The following NEMF variants were observed in gnomAD, a reference collection of about 807,000 sequenced individuals.
NEMF encodes the protein ribosome quality control complex subunit NEMF.
A neutral mutation model predicts 162.2 loss-of-function variants in NEMF; 89 were observed. The observed-to-expected ratio is 0.55, with a 90% CI of 0.46 to 0.65. The LOEUF (loss-of-function observed/expected upper bound fraction) is 0.65. Ranked by LOEUF, NEMF falls within the 30% of genes least tolerant of loss-of-function variation. NEMF has a pLI of 0.00. For missense variants in NEMF, 1,133 were observed against 1,261.9 expected (o/e 0.90, Z 1.55); for synonymous variants, 421 against 404.5 (o/e 1.04, Z -0.49).
intron 4 of NEMF, among the ~76,000 whole-genome samples, chr14:49,843,046 CAGGTT>C (rs761279592): frequency 6.6e-6 from 1 of 151,776 alleles, no homozygotes; most frequent in East Asian, 1.9e-4. Flanking sequence ...AGTAAAAACT[CAGGTT>C]AGAGTAGAAA....
intron 18 of NEMF, among the ~76,000 whole-genome samples, chr14:49,811,130 A>G (rs2139893148): frequency 6.6e-6 from 1 of 152,340 alleles, no homozygotes; most frequent in South Asian, 2.1e-4. Context: ...ATTCCTTAAA[A>G]TAATTTTATA....
At chr14:49,844,885 C>A in intron 4 of NEMF, 1 of 350,202 alleles carries the variant, frequency 2.9e-6, no homozygotes, top group Non-Finnish European at 6.0e-6. Context: ...TCTCCTGCCT[C>A]AGCCTCCCGA....
Position 49,832,036 on chromosome 14 carries a change from G to C in NEMF, c.882+15C>G. The C allele has an allele frequency of 6.4e-7, 1 of 1,573,950 alleles. No individual in the cohort carries two copies. Among genetic ancestry groups the C allele is most frequent in the Non-Finnish European group, 8.6e-7 (1 of 1,158,882 alleles). On this transcript the variant is annotated intron_variant, in intron 10 of 32. Coordinates refer to ENST00000298310, the MANE Select transcript of NEMF (RefSeq NM_004713.6). ...ATGCTAACTAACTGGTAAAGGAACA[G>C]AACGGAAAACCCACCTTGTCAAATG... is the stretch of plus-strand genomic sequence containing the variant.
At chr14:49,827,010 T>C (rs551373976) in intron 15 of NEMF, among the ~76,000 whole-genome samples, 2 of 152,234 alleles carry the variant, frequency 1.3e-5, no homozygotes, top group East Asian at 3.9e-4. Context: ...TGTCATTATT[T>C]TATGAACAGC....
chr14:49,795,332 T>G (rs1220669531), intron 26 of NEMF, among the ~76,000 whole-genome samples: 1 of 139,360 alleles, frequency 7.2e-6, no homozygotes, highest in African/African-American at 2.8e-5. Context: ...AGAGCAAGAC[T>G]ATCTTGGGGG....
Position 49,814,986 on chromosome 14 carries a change from G to A in NEMF, c.1578-129C>T, listed in dbSNP as rs1891650546. 6.2e-5 allele frequency: 37 copies of A among 595,790 alleles called. 1 individual carries two copies. In the South Asian group the frequency reaches 7.3e-4, roughly 12 times the overall value. 36.9% of individuals were successfully genotyped at this position (595,790 alleles called of 1,614,324 possible). On this transcript the variant is annotated intron_variant, in intron 16 of 32. Coordinates refer to ENST00000298310, the MANE Select transcript of NEMF (RefSeq NM_004713.6). ...TGGTTTAATTTTTTTAAGGCATCAAGCTTAATTTTACTAAAAACCTATAAT... is the reference window on the plus strand; with the variant it reads ...TGGTTTAATTTTTTTAAGGCATCAAACTTAATTTTACTAAAAACCTATAAT...
intron 2 of NEMF, 40 bp downstream of exon 2, chr14:49,851,767 T>C: frequency 1.4e-6 from 2 of 1,464,760 alleles, no homozygotes. Context: ...ATCTCATACT[T>C]AATTGTCAAA....
At position 49,789,283 on chromosome 14, in the gene NEMF, C is replaced by T. The variant is rs775501194; in HGVS notation, c.2758G>A (p.Glu920Lys). The change falls in exon 28 of 33, where the codon GAA becomes AAA. Residue 920 changes from glutamate (E) to lysine (K), a missense_variant. Physicochemically the swap from Glu to Lys is moderately conservative, Grantham distance 56. Coordinates refer to ENST00000298310, the MANE Select transcript of NEMF (RefSeq NM_004713.6). ...KKGKKGKTKDEPVKKQPQKPR... is the reference protein window; with the variant it reads ...KKGKKGKTKDKPVKKQPQKPR... ...TTCTGGGGCTGTTTCTTCACAGGTTCGTCCTTTGTTTTTCCTTTCTTCCCC... is the reference window on the plus strand; with the variant it reads ...TTCTGGGGCTGTTTCTTCACAGGTTTGTCCTTTGTTTTTCCTTTCTTCCCC... 1.7e-5 allele frequency: 28 copies of T among 1,614,050 alleles called. 1 individual carries two copies. The South Asian group carries it at 2.2e-4, about 13-fold the overall frequency.
At chr14:49,829,506 C>T (rs1390504445) in intron 11 of NEMF, 80 bp from the exon 12 acceptor site, 1 of 1,111,330 alleles carries the variant, frequency 9.0e-7, no homozygotes, top group Non-Finnish European at 1.3e-6. Context: ...CCAACACTCA[C>T]TATCCTGACC....
chr14:49,807,764 T>A (rs538734882), intron 18 of NEMF, among the ~76,000 whole-genome samples: 116 of 151,656 alleles, frequency 7.6e-4, no homozygotes, highest in Non-Finnish European at 1.4e-3. Context: ...CGGCTAATTT[T>A]TATATATATA....
intron 29 of NEMF, chr14:49,785,633 G>A (rs1460562984): frequency 7.0e-6 from 2 of 287,034 alleles, no homozygotes; most frequent in Non-Finnish European, 1.4e-5. Flanking sequence ...TATAATCCTA[G>A]GACTCTGGAA....
intron 16 of NEMF, among the ~76,000 whole-genome samples, chr14:49,823,103 AT>A (rs1286230224): frequency 2.0e-5 from 3 of 151,472 alleles, no homozygotes; most frequent in South Asian, 2.1e-4. Flanking sequence ...CACTCAGCTA[AT>A]TTTTTTTGTA....
rs117782531 is a variant in NEMF, at chr14:49,832,953, A to G, written c.735+470T>C. ...GATAGGGAACAGAAAAAAACTTATA[A>G]ACCAACAAAAACTTTTAAAACACTA... On this transcript the variant is annotated intron_variant, in intron 8 of 32. Coordinates refer to ENST00000298310, the MANE Select transcript of NEMF (RefSeq NM_004713.6). Among the ~76,000 whole-genome samples, 83 of 152,282 alleles carry G rather than the reference A, an allele frequency of 5.5e-4. 1 individual carries two copies. In the East Asian group the frequency reaches 0.013, roughly 24 times the overall value.
chr14:49,847,486 G>C (rs1043099211), intron 3 of NEMF, among the ~76,000 whole-genome samples: 2 of 152,228 alleles, frequency 1.3e-5, no homozygotes, highest in African/African-American at 4.8e-5. Flanking sequence ...TTACAGGCGT[G>C]AGCCACCACA....
chr14:49,804,603 T>G (rs988082564), intron 19 of NEMF, among the ~76,000 whole-genome samples: 1 of 149,200 alleles, frequency 6.7e-6, no homozygotes, highest in Non-Finnish European at 1.5e-5. Flanking sequence ...GAGGCAGAGG[T>G]TGCAGTGAGC....
intron 26 of NEMF, among the ~76,000 whole-genome samples, chr14:49,794,718 C>CTTTTTT (rs10645758): frequency 1.5e-5 from 2 of 137,666 alleles, no homozygotes; most frequent in Non-Finnish European, 3.1e-5. Context: ...ACTGCTACAG[C>CTTTTTT]TTTTTTTTTT....
intron 3 of NEMF, among the ~76,000 whole-genome samples, chr14:49,851,247 C>T (rs751423889): frequency 1.1e-4 from 16 of 152,196 alleles, no homozygotes; most frequent in Middle Eastern, 3.4e-3. Context: ...AAAAAATTAA[C>T]GTTGGTCTAA....
Position 49,829,143 on chromosome 14 carries a change from A to C in NEMF, c.1143T>G (p.Ile381Met), listed in dbSNP as rs1262561378. The C allele has an allele frequency of 6.2e-7, 1 of 1,614,056 alleles. No homozygotes were observed. Among genetic ancestry groups the C allele is most frequent in the African/African-American group, 1.3e-5 (1 of 74,936 alleles). ...CTCCTTGAGCCTGGGCTTCTTTCAC[A>C]ATTAACCCAATTTCTGTCCAATCTA... is the stretch of plus-strand genomic sequence containing the variant. ...NQIDWTEIGL[I>M]VKEAQAQGDP... The change falls in exon 13 of 33, where the codon ATT becomes ATG. Residue 381 changes from isoleucine to methionine, a missense_variant. Coordinates refer to ENST00000298310, the MANE Select transcript of NEMF (RefSeq NM_004713.6).
chr14:49,840,689 G>T (rs775053320), intron 5 of NEMF, 29 bp downstream of exon 5: 2 of 1,595,218 alleles, frequency 1.3e-6, no homozygotes, highest in Admixed American at 1.8e-5. Context: ...AATACAATAC[G>T]AAATGGGTTT....
Sources: gnomAD v4.1 joint callset for allele counts (sites outside exome capture counted in the v4.1 genomes callset) on GRCh38, gnomAD v4.1.1 for gene constraint, MANE v1.5 for transcripts, NCBI Gene and HGNC (gene_info 2026-07-23, HGNC 2026-07-21) for gene names.